The following USH2A variants were observed in gnomAD, a reference collection of about 807,000 sequenced individuals.
USH2A encodes usherin, also known as Usher syndrome 2A (autosomal recessive, mild).
Under a neutral mutation model 538.9 loss-of-function variants are expected in USH2A, and 443 were observed. The ratio of observed to expected loss-of-function variants is 0.82; its 90% CI spans 0.76 to 0.89. The LOEUF is 0.89. Among genes scored for constraint, USH2A ranks in the 40% least tolerant of loss-of-function variants. The pLI is 0.00. For missense variants in USH2A, 6,633 were observed against 6,324.8 expected (o/e 1.05, Z -1.65); for synonymous variants, 2,413 against 2,273.5 (o/e 1.06, Z -1.75).
At chr1:216,152,447 A>T (rs1302310108) in intron 21 of USH2A, among the ~76,000 whole-genome samples, 2 of 144,020 alleles carry the variant, frequency 1.4e-5, no homozygotes, top group Non-Finnish European at 3.0e-5. Context: ...CCCACTGAGC[A>T]CCTTGCGACC....
intron 30 of USH2A, among the ~76,000 whole-genome samples, chr1:216,069,649 A>G (rs998790541): frequency 1.3e-5 from 2 of 152,204 alleles, no homozygotes; most frequent in African/African-American, 4.8e-5. Context: ...CTGATTTGCC[A>G]GTCCAACTAA....
chr1:216,421,395 C>A (rs2039674064), intron 2 of USH2A, among the ~76,000 whole-genome samples: 1 of 152,116 alleles, frequency 6.6e-6, no homozygotes, highest in East Asian at 1.9e-4. Flanking sequence ...CTTGGGGAAA[C>A]GAGGATGAAG....
chr1:216,228,389 T>C (rs1187787421), intron 14 of USH2A, among the ~76,000 whole-genome samples: 1 of 152,062 alleles, frequency 6.6e-6, no homozygotes, highest in African/African-American at 2.4e-5. Context: ...ACAAAGGGGA[T>C]TGATATGGTT....
chr1:215,858,799 T>A (rs1664240349), intron 44 of USH2A, among the ~76,000 whole-genome samples: 2 of 152,220 alleles, frequency 1.3e-5, no homozygotes, highest in South Asian at 4.2e-4. Context: ...CTCTCCTTTA[T>A]AATGAATTCC....
chr1:215,775,265 G>A (rs1274714719), intron 55 of USH2A, among the ~76,000 whole-genome samples: 1 of 152,108 alleles, frequency 6.6e-6, no homozygotes, highest in Non-Finnish European at 1.5e-5. Flanking sequence ...TCTATGCTCT[G>A]CTTCCATTGT....
At chr1:215,709,426 G>A (rs1418085137) in intron 61 of USH2A, among the ~76,000 whole-genome samples, 11 of 151,810 alleles carry the variant, frequency 7.2e-5, no homozygotes, top group South Asian at 2.1e-4. Context: ...TTTGGAGATC[G>A]CTGACCTGTA....
At chr1:216,365,305 T>C (rs2038574305) in intron 3 of USH2A, among the ~76,000 whole-genome samples, 1 of 152,144 alleles carries the variant, frequency 6.6e-6, no homozygotes, top group Non-Finnish European at 1.5e-5. Flanking sequence ...TCTCCCAGGG[T>C]GTTCACAGGT....
At chr1:216,121,451 A>AT (rs1452579738) in intron 21 of USH2A, among the ~76,000 whole-genome samples, 2 of 151,338 alleles carry the variant, frequency 1.3e-5, no homozygotes, top group Non-Finnish European at 2.9e-5. Flanking sequence ...TTTTTATTTT[A>AT]TTTTTTTGCC....
At chr1:216,354,201 T>A (rs1262679225) in intron 4 of USH2A, among the ~76,000 whole-genome samples, 1 of 152,206 alleles carries the variant, frequency 6.6e-6, no homozygotes, top group South Asian at 2.1e-4. Context: ...TTTTCTTTCC[T>A]ACTGCCCACC....
intron 11 of USH2A, among the ~76,000 whole-genome samples, chr1:216,269,822 A>G (rs1355628326): frequency 2.6e-5 from 4 of 152,162 alleles, no homozygotes. Flanking sequence ...GTGGATATGC[A>G]CAGTCAACCG....
intron 22 of USH2A, among the ~76,000 whole-genome samples, chr1:216,090,944 G>T (rs1007280553): frequency 1.3e-5 from 2 of 152,100 alleles, no homozygotes; most frequent in African/African-American, 2.4e-5. Context: ...TAAAGATCAG[G>T]TGTCTGAATA....
intron 37 of USH2A, among the ~76,000 whole-genome samples, chr1:215,944,083 G>A (rs17025685): frequency 0.032 from 4,884 of 152,232 alleles, 122 homozygotes; most frequent in South Asian, 0.083. Flanking sequence ...TCCAAGGAAA[G>A]TATGTAAATT....
chr1:216,377,808 A>AAAGAAAG (rs1390004380), intron 3 of USH2A, among the ~76,000 whole-genome samples: 1 of 6,096 alleles, frequency 1.6e-4, no homozygotes, highest in African/African-American at 5.6e-4. Context: ...AAAGAAATAA[A>AAAGAAAG]AAGAAAGAAA....
At chr1:216,098,064 C>T (rs1361394099) in intron 21 of USH2A, among the ~76,000 whole-genome samples, 1 of 151,718 alleles carries the variant, frequency 6.6e-6, no homozygotes, top group Non-Finnish European at 1.5e-5. Context: ...CTTCCCCCTA[C>T]CGTTACATGG....
At chr1:215,802,423 A>T (rs1190601728) in intron 49 of USH2A, among the ~76,000 whole-genome samples, 2 of 152,058 alleles carry the variant, frequency 1.3e-5, no homozygotes, top group Non-Finnish European at 2.9e-5. Flanking sequence ...AAAACATGAA[A>T]CAAAGACCTT....
chr1:216,124,281 A>G (rs760316147), intron 21 of USH2A, among the ~76,000 whole-genome samples: 5 of 152,154 alleles, frequency 3.3e-5, no homozygotes, highest in Admixed American at 2.6e-4. Flanking sequence ...AGACAACAAT[A>G]TATTAGCCAA....
chr1:216,191,095 T>A (rs893824380), intron 19 of USH2A, among the ~76,000 whole-genome samples: 3 of 152,068 alleles, frequency 2.0e-5, no homozygotes, highest in African/African-American at 7.2e-5. Context: ...TCTGTCATTA[T>A]AATTTGAAGT....
At chr1:216,108,717 C>T (rs2032796879) in intron 21 of USH2A, among the ~76,000 whole-genome samples, 1 of 151,838 alleles carries the variant, frequency 6.6e-6, no homozygotes, top group African/African-American at 2.4e-5. Flanking sequence ...TTTTATTCTG[C>T]ACTGACCAAT....
chr1:215,623,756 G>A lies in USH2A; in HGVS notation c.*2025C>T, dbSNP rs1655892083. 2 of 152,016 alleles carry A rather than the reference G, an allele frequency of 1.3e-5. No homozygotes were observed. Among genetic ancestry groups the A allele is most frequent in the South Asian group, 4.1e-4 (2 of 4,826 alleles). 9.4% of individuals were successfully genotyped at this position (152,016 alleles called of 1,614,324 possible). On this transcript the variant is annotated 3_prime_UTR_variant, in exon 72 of 72. Transcript: ENST00000307340. ...ATCCCCTGCAGTTCTGTATTTTTTT[G>A]TGCGTTGTTAAAATTTTATACTGTG...
Sources: gnomAD v4.1 joint callset for allele counts (sites outside exome capture counted in the v4.1 genomes callset) on GRCh38, gnomAD v4.1.1 for gene constraint, MANE v1.5 for transcripts, NCBI Gene and HGNC (gene_info 2026-07-23, HGNC 2026-07-21) for gene names.